PIAS1: variants seen among roughly 807,000 people sequenced by gnomAD.
The protein encoded by PIAS1 is E3 SUMO-protein ligase PIAS1.
In PIAS1, 6 loss-of-function variants were observed where a neutral mutation model predicts 71.3. The ratio of observed to expected loss-of-function variants is 0.08; its 90% CI spans 0.05 to 0.17. PIAS1 has a LOEUF of 0.17. Ranked by LOEUF, PIAS1 falls within the 10% of genes least tolerant of loss-of-function variation. The pLI is 1.00. For synonymous variants in PIAS1, 303 were observed against 292.9 expected, an observed-to-expected ratio of 1.03 and a Z score of -0.35; for missense variants, 555 against 793.6, an observed-to-expected ratio of 0.70 and a Z score of 3.61.
At chr15:68,146,732 G>A in intron 6 of PIAS1, 32 bp downstream of exon 6, 3 of 1,563,398 alleles carry the variant, frequency 1.9e-6, no homozygotes, top group Non-Finnish European at 2.6e-6. Flanking sequence ...CCAGATTTTT[G>A]TATTATAAGG....
intron 7 of PIAS1, among the ~76,000 whole-genome samples, chr15:68,162,438 C>G (rs1244865633): frequency 6.6e-6 from 1 of 151,800 alleles, no homozygotes; most frequent in Non-Finnish European, 1.5e-5. Context: ...TCAGGGTTCT[C>G]CGGAGAAACT....
At chr15:68,120,642 C>T (rs1464463410) in intron 2 of PIAS1, among the ~76,000 whole-genome samples, 12 of 152,014 alleles carry the variant, frequency 7.9e-5, no homozygotes, top group African/African-American at 2.4e-4. Context: ...ATACATTTTA[C>T]GTCCATGTAA....
intron 2 of PIAS1, among the ~76,000 whole-genome samples, chr15:68,114,029 TACACACACACAC>T (rs58536041): frequency 1.1e-4 from 14 of 125,216 alleles, no homozygotes; most frequent in East Asian, 6.0e-4. Context: ...ATATATTTCA[TACACACACACAC>T]ACACACACAC....
chr15:68,080,456 A>C (rs2092218718), intron 1 of PIAS1, among the ~76,000 whole-genome samples: 1 of 152,146 alleles, frequency 6.6e-6, no homozygotes. Context: ...AAATAGATAA[A>C]AGTTGAGAAA....
rs554079614 is a variant in PIAS1 at position 68,086,201 on chromosome 15, T to G, written c.25-105T>G. The G allele has an allele frequency of 5.3e-6, 4 of 759,574 alleles. No homozygotes were observed. In the East Asian group the frequency reaches 1.1e-4, roughly 21 times the overall value. 47.1% of individuals were successfully genotyped at this position (759,574 alleles called of 1,614,324 possible). A position where few individuals can be genotyped will look rare whatever the true frequency, so the allele number is the denominator to read the frequency against. On this transcript the variant is annotated intron_variant, in intron 1 of 13. Coordinates refer to ENST00000249636, the MANE Select transcript of PIAS1 (RefSeq NM_016166.3). This position sits in a 1 kb window ranked among gnomAD's most constrained non-coding sequence, Gnocchi z 7.2. ...AGGATTATAAGTGAGCTGGCCTTTA[T>G]TTGCTTAAGTAAACCATAAGAAGGG...
chr15:68,161,617 G>A (rs963089313), intron 7 of PIAS1, among the ~76,000 whole-genome samples: 4 of 151,776 alleles, frequency 2.6e-5, no homozygotes, highest in African/African-American at 9.7e-5. Flanking sequence ...TATTTATTGA[G>A]AATAATATTA....
intron 7 of PIAS1, among the ~76,000 whole-genome samples, chr15:68,159,796 A>G (rs1179909116): frequency 6.6e-6 from 1 of 152,158 alleles, no homozygotes; most frequent in Non-Finnish European, 1.5e-5. Context: ...TTGCATATGG[A>G]TACCTCAGTT....
At chr15:68,094,563 C>T (rs1446220776) in intron 2 of PIAS1, among the ~76,000 whole-genome samples, 1 of 152,012 alleles carries the variant, frequency 6.6e-6, no homozygotes, top group African/African-American at 2.4e-5. Context: ...GATTATATTT[C>T]ACAGTTTTCT....
chr15:68,153,447 GT>G (rs570331841), intron 6 of PIAS1, 142 bp from the exon 7 acceptor site: 475 of 532,442 alleles, frequency 8.9e-4, no homozygotes, highest in African/African-American at 8.4e-3. Context: ...ATGAATTACT[GT>G]TCATGAAAAC....
At chr15:68,118,957 A>G (rs1204517066) in intron 2 of PIAS1, among the ~76,000 whole-genome samples, 3 of 152,118 alleles carry the variant, frequency 2.0e-5, no homozygotes, top group African/African-American at 4.8e-5. Flanking sequence ...AAATTAAACT[A>G]AAAAGCTTCT....
At chr15:68,106,514 G>A (rs145481857) in intron 2 of PIAS1, among the ~76,000 whole-genome samples, 198 of 152,254 alleles carry the variant, frequency 1.3e-3, no homozygotes, top group Non-Finnish European at 2.0e-3. Context: ...TCTTACCTAG[G>A]TGCAAAACTG....
In PIAS1 at chr15:68,186,785, G is replaced by A. The variant is rs889561894; in HGVS notation, c.1663-757G>A. 5.3e-5 allele frequency among the ~76,000 whole-genome samples: 8 copies of A among 152,120 alleles called. No individual in the cohort carries two copies. The highest frequency in any genetic ancestry group is 1.3e-4 in the Admixed American group (2 of 15,274). The stretch of plus-strand genomic sequence containing the variant: ...TTAGCATTGTGTTACAGTTGCCTAC[G>A]GCATTCAGCACAGTAACATGCTGTA... On this transcript the variant is annotated intron_variant, in intron 13 of 13. Transcript: ENST00000249636. The surrounding 1 kb of genome is among the most constrained non-coding windows in gnomAD (Gnocchi z 4.4).
Position 68,185,790 on chromosome 15 carries a change from C to T in PIAS1, c.1663-1752C>T, listed in dbSNP as rs547159828. Among the ~76,000 whole-genome samples, 2 of 152,082 alleles carry T rather than the reference C, an allele frequency of 1.3e-5. No individual in the cohort carries two copies. The highest frequency in any genetic ancestry group is 2.4e-5 in the African/African-American group (1 of 41,474). On this transcript the variant is annotated intron_variant, in intron 13 of 13. Coordinates refer to ENST00000249636, the MANE Select transcript of PIAS1 (RefSeq NM_016166.3). The surrounding 1 kb of genome is among the most constrained non-coding windows in gnomAD (Gnocchi z 4.4). ...CAGCCTGACCAACATGGTGAAACCCCGTCTCTACTAAAAATACAAAAATTA... is the reference window on the plus strand; with the variant it reads ...CAGCCTGACCAACATGGTGAAACCCTGTCTCTACTAAAAATACAAAAATTA...
At chr15:68,176,689 A>T (rs1428354284) in intron 11 of PIAS1, 35 bp downstream of exon 11, 2 of 1,424,716 alleles carry the variant, frequency 1.4e-6, no homozygotes, top group Non-Finnish European at 1.9e-6. Flanking sequence ...AAAAGTAATC[A>T]TGAAAATTAA....
chr15:68,061,933 G>A (rs2091963257), intron 1 of PIAS1, among the ~76,000 whole-genome samples: 1 of 152,124 alleles, frequency 6.6e-6, no homozygotes, highest in Non-Finnish European at 1.5e-5. Flanking sequence ...TGTTCTGTTT[G>A]TACACCCCCC....
intron 8 of PIAS1, among the ~76,000 whole-genome samples, chr15:68,168,584 A>G (rs1462095688): frequency 6.6e-6 from 1 of 152,244 alleles, no homozygotes; most frequent in Non-Finnish European, 1.5e-5. Flanking sequence ...TAATCACAAG[A>G]TGAAGACGTT....
chr15:68,111,708 C>T (rs1006616870), intron 2 of PIAS1, among the ~76,000 whole-genome samples: 5 of 151,888 alleles, frequency 3.3e-5, no homozygotes, highest in African/African-American at 9.7e-5. Flanking sequence ...TTTTCCCTAG[C>T]GTAAAACTAC....
rs2093108461 is a variant in PIAS1 at position 68,189,485 on chromosome 15, A to G, written c.*1650A>G. On this transcript the variant is annotated 3_prime_UTR_variant, in exon 14 of 14. Coordinates refer to ENST00000249636, the MANE Select transcript of PIAS1 (RefSeq NM_016166.3). ...CAAAATGATCAACTTTAATCCAGGT[A>G]GAATTCAAGATGGCTGTACTTCAGT... The G allele has an allele frequency of 6.6e-6, 1 of 152,222 alleles. No homozygotes were observed. The highest frequency in any genetic ancestry group is 1.5e-5 in the Non-Finnish European group (1 of 68,026). The allele number at this position is 152,222 out of a possible 1,614,324, so 9.4% of individuals were successfully genotyped here.
At chr15:68,061,783 T>C (rs2091961519) in intron 1 of PIAS1, among the ~76,000 whole-genome samples, 1 of 152,238 alleles carries the variant, frequency 6.6e-6, no homozygotes, top group South Asian at 2.1e-4. Flanking sequence ...GGATAAAGAC[T>C]TAGTTCTCAG....
Sources: gnomAD v4.1 joint callset for allele counts (sites outside exome capture counted in the v4.1 genomes callset) on GRCh38, gnomAD v4.1.1 for gene constraint, Gnocchi (gnomAD v3.1) non-coding constraint, MANE v1.5 for transcripts, NCBI Gene and HGNC (gene_info 2026-07-23, HGNC 2026-07-21) for gene names.